The following INPP4B variants were observed in gnomAD, a reference collection of about 807,000 sequenced individuals.
INPP4B encodes inositol polyphosphate 4-phosphatase type II.
Under a neutral mutation model 122.5 loss-of-function variants are expected in INPP4B, and 55 were observed. That is an observed-to-expected ratio of 0.45 (90% CI 0.36 to 0.56). The LOEUF (loss-of-function observed/expected upper bound fraction) is 0.56. Ranked by LOEUF, INPP4B falls within the 20% of genes least tolerant of loss-of-function variation. The pLI, the probability that INPP4B is intolerant of heterozygous loss-of-function variation, is 0.00. For missense variants in INPP4B, 1,000 were observed against 1,097.7 expected (o/e 0.91, Z 1.26); for synonymous variants, 403 against 388.7 (o/e 1.04, Z -0.43).
chr4:142,733,851 T>C (rs1766437550), intron 1 of INPP4B, among the ~76,000 whole-genome samples: 1 of 152,278 alleles, frequency 6.6e-6, no homozygotes. Flanking sequence ...CAAATTTCCA[T>C]AAACAGTAAA....
At chr4:142,646,794 C>A (rs1230282597) in intron 2 of INPP4B, among the ~76,000 whole-genome samples, 3 of 152,208 alleles carry the variant, frequency 2.0e-5, no homozygotes, top group Non-Finnish European at 4.4e-5. Flanking sequence ...GAAACCAGGA[C>A]AGAGTGCTCC....
At chr4:142,829,728 A>G (rs1781884909) in intron 1 of INPP4B, among the ~76,000 whole-genome samples, 1 of 152,218 alleles carries the variant, frequency 6.6e-6, no homozygotes, top group African/African-American at 2.4e-5. Flanking sequence ...TTATCATTCA[A>G]CAGCAAGCTC....
intron 25 of INPP4B, among the ~76,000 whole-genome samples, chr4:142,077,943 C>A (rs1771707066): frequency 8.3e-6 from 1 of 120,518 alleles, no homozygotes. Flanking sequence ...TGTGGTGGGA[C>A]TTTGCCTTTA....
intron 10 of INPP4B, among the ~76,000 whole-genome samples, chr4:142,263,729 C>T (rs897259594): frequency 6.2e-5 from 8 of 129,986 alleles, no homozygotes; most frequent in African/African-American, 2.3e-4. Context: ...CAGAGAAAGG[C>T]GATAGAAAGC....
chr4:142,593,104 TAAA>T (rs70949176), intron 2 of INPP4B, among the ~76,000 whole-genome samples: 36 of 143,204 alleles, frequency 2.5e-4, no homozygotes, highest in Middle Eastern at 3.6e-3. Flanking sequence ...ATCCTGTTTT[TAAA>T]AAAAAAAAAA....
intron 14 of INPP4B, among the ~76,000 whole-genome samples, chr4:142,207,502 T>C (rs1227725223): frequency 1.3e-5 from 2 of 152,212 alleles, no homozygotes; most frequent in Non-Finnish European, 2.9e-5. Flanking sequence ...AATGAGAATT[T>C]AGATGTCTCT....
intron 1 of INPP4B, among the ~76,000 whole-genome samples, chr4:142,736,342 G>T (rs868841944): frequency 4.6e-5 from 7 of 151,944 alleles, no homozygotes; most frequent in Admixed American, 6.6e-5. Context: ...ACCACTAAGT[G>T]TTCTAGTCTG....
At chr4:142,794,117 A>G (rs553868742) in intron 1 of INPP4B, among the ~76,000 whole-genome samples, 1 of 152,156 alleles carries the variant, frequency 6.6e-6, no homozygotes, top group South Asian at 2.1e-4. Context: ...GTATCTATCT[A>G]TCACAAGCTA....
At chr4:142,144,531 T>G (rs1363061785) in intron 18 of INPP4B, among the ~76,000 whole-genome samples, 1 of 152,054 alleles carries the variant, frequency 6.6e-6, no homozygotes, top group African/African-American at 2.4e-5. Flanking sequence ...CTTCATGACA[T>G]AGCTATGACA....
chr4:142,467,287 G>A (rs1300478490), intron 2 of INPP4B, among the ~76,000 whole-genome samples: 2 of 152,328 alleles, frequency 1.3e-5, no homozygotes, highest in East Asian at 1.9e-4. Context: ...TGTGGACTGC[G>A]CCCACAGAAG....
intron 18 of INPP4B, among the ~76,000 whole-genome samples, chr4:142,143,702 A>T (rs985564807): frequency 2.7e-4 from 41 of 152,110 alleles, no homozygotes; most frequent in Non-Finnish European, 5.2e-4. Flanking sequence ...AGTTCTGACA[A>T]TCTAACTTAT....
chr4:142,405,467 T>A (rs1190484767), intron 5 of INPP4B, 143 bp from the exon 6 acceptor site: 2 of 618,836 alleles, frequency 3.2e-6, no homozygotes, highest in African/African-American at 3.7e-5. Flanking sequence ...AGGAAGTCCC[T>A]TGGAAGTACC....
intron 2 of INPP4B, among the ~76,000 whole-genome samples, chr4:142,598,797 T>C (rs2150285516): frequency 6.6e-6 from 1 of 152,208 alleles, no homozygotes; most frequent in African/African-American, 2.4e-5. Context: ...GTGCTCAGAC[T>C]CATGCACAGA....
chr4:142,532,794 G>A (rs1276490444), intron 2 of INPP4B, among the ~76,000 whole-genome samples: 1 of 152,154 alleles, frequency 6.6e-6, no homozygotes, highest in Non-Finnish European at 1.5e-5. Context: ...ATTATAAACT[G>A]TAATTATGAA....
At chr4:142,058,647 AAC>A (rs1346379533) in intron 25 of INPP4B, among the ~76,000 whole-genome samples, 1 of 152,128 alleles carries the variant, frequency 6.6e-6, no homozygotes, top group Non-Finnish European at 1.5e-5. Context: ...GACTTTTAAA[AAC>A]AAAATAGGAA....
At chr4:142,542,259 C>A (rs899311333) in intron 2 of INPP4B, among the ~76,000 whole-genome samples, 3 of 152,050 alleles carry the variant, frequency 2.0e-5, no homozygotes, top group Non-Finnish European at 4.4e-5. Context: ...TCTTAGAGTC[C>A]TTTTTATTCG....
At chr4:142,516,493 G>A (rs896613693) in intron 2 of INPP4B, among the ~76,000 whole-genome samples, 16 of 152,126 alleles carry the variant, frequency 1.1e-4, no homozygotes, top group African/African-American at 3.6e-4. Context: ...GACAGAGAGA[G>A]TAAGTCACCA....
intron 2 of INPP4B, among the ~76,000 whole-genome samples, chr4:142,600,540 T>C (rs1206140843): frequency 3.3e-5 from 5 of 152,038 alleles, no homozygotes; most frequent in African/African-American, 4.8e-5. Context: ...TAAAACTCAC[T>C]GTTAAGTACA....
At chr4:142,062,294 C>G (rs932545797) in intron 25 of INPP4B, among the ~76,000 whole-genome samples, 1 of 149,078 alleles carries the variant, frequency 6.7e-6, no homozygotes, top group Admixed American at 6.6e-5. Flanking sequence ...ACCATCATCA[C>G]AGCACCACAC....
Sources: gnomAD v4.1 joint callset for allele counts (sites outside exome capture counted in the v4.1 genomes callset) on GRCh38, gnomAD v4.1.1 for gene constraint, MANE v1.5 for transcripts, NCBI Gene and HGNC (gene_info 2026-07-23, HGNC 2026-07-21) for gene names.